The following TCAIM variants were observed in gnomAD, a reference collection of about 807,000 sequenced individuals.
TCAIM encodes the protein T-cell activation inhibitor, mitochondrial.
A neutral mutation model predicts 58.6 loss-of-function variants in TCAIM; 36 were observed. The ratio of observed to expected loss-of-function variants is 0.61; its 90% CI spans 0.47 to 0.81. The LOEUF (loss-of-function observed/expected upper bound fraction) is 0.81, where lower values mean the gene tolerates loss of function less well. Ranked by LOEUF, TCAIM falls within the 30% of genes least tolerant of loss-of-function variation. The pLI is 0.00. For synonymous variants in TCAIM, 172 were observed against 193.6 expected, an observed-to-expected ratio of 0.89 and a Z score of 0.93; for missense variants, 466 against 579.6, an observed-to-expected ratio of 0.80 and a Z score of 2.01.
In TCAIM at chr3:44,367,450, C is replaced by A; in HGVS notation, c.320-6C>A. On this transcript the variant is annotated splice_region_variant and splice_polypyrimidine_tract_variant and intron_variant, in intron 4 of 10. Transcript: ENST00000342649. ...ATTAATTGTTTGGGGGAATTATATTCTCTAGGATTTCGAGCAGTCAAATTT... is the reference window on the plus strand; with the variant it reads ...ATTAATTGTTTGGGGGAATTATATTATCTAGGATTTCGAGCAGTCAAATTT... 6.2e-7 allele frequency: 1 copy of A among 1,600,376 alleles called. No individual in the cohort carries two copies. The highest frequency in any genetic ancestry group is 8.5e-7 in the Non-Finnish European group (1 of 1,170,982).
chr3:44,361,587 G>T (rs1251628290), intron 4 of TCAIM, 69 bp downstream of exon 4: 3 of 1,356,314 alleles, frequency 2.2e-6, no homozygotes, highest in Non-Finnish European at 2.9e-6. Context: ...TTTTGACATT[G>T]CCAGAATACC....
intron 4 of TCAIM, among the ~76,000 whole-genome samples, chr3:44,365,334 C>CTT (rs1377547976): frequency 7.5e-5 from 11 of 146,250 alleles, no homozygotes; most frequent in African/African-American, 2.2e-4. Context: ...GTTGCAAATA[C>CTT]TTTTTTTTTT....
At chr3:44,347,961 G>C (rs1406647816) in intron 1 of TCAIM, among the ~76,000 whole-genome samples, 1 of 152,134 alleles carries the variant, frequency 6.6e-6, no homozygotes, top group Non-Finnish European at 1.5e-5. Context: ...CCTAGGAATA[G>C]TCAGGAAAGC....
At chr3:44,358,725 G>A in intron 3 of TCAIM, 1 of 986,232 alleles carries the variant, frequency 1.0e-6, no homozygotes, top group Non-Finnish European at 1.2e-6. Context: ...CCAAGGGACT[G>A]CTATGTATTA....
intron 5 of TCAIM, among the ~76,000 whole-genome samples, chr3:44,373,118 T>C (rs1340848491): frequency 6.7e-6 from 1 of 149,700 alleles, no homozygotes; most frequent in Non-Finnish European, 1.5e-5. Flanking sequence ...CAGTTGAGTT[T>C]TTTTATTTTT....
In TCAIM at chr3:44,407,813, CT is replaced by C; in HGVS notation, c.*137del. On this transcript the variant is annotated 3_prime_UTR_variant, in exon 11 of 11. Transcript: ENST00000342649. ...TTCTAACTGCTGCTTTAAAAGTAGA[CT>C]TTTTTAAAAAAATTAATTTCTGCTA... 2 of 1,054,080 alleles carry C rather than the reference CT, an allele frequency of 1.9e-6. No individual in the cohort carries two copies. Among genetic ancestry groups the C allele is most frequent in the Admixed American group, 3.5e-5 (1 of 28,464 alleles). The allele number at this position is 1,054,080 out of a possible 1,614,324, so 65.3% of individuals were successfully genotyped here. A position where few individuals can be genotyped will look rare whatever the true frequency, so the allele number is the denominator to read the frequency against.
chr3:44,391,535 A>G (rs1230912884), intron 5 of TCAIM, among the ~76,000 whole-genome samples: 1 of 152,188 alleles, frequency 6.6e-6, no homozygotes, highest in African/African-American at 2.4e-5. Context: ...TATTGAGGTA[A>G]ACATTCTAAG....
At chr3:44,345,537 T>C (rs1177576235) in intron 1 of TCAIM, among the ~76,000 whole-genome samples, 1 of 152,196 alleles carries the variant, frequency 6.6e-6, no homozygotes, top group East Asian at 1.9e-4. Context: ...GTCCCCTTTT[T>C]TTTTAGCAGT....
intron 1 of TCAIM, among the ~76,000 whole-genome samples, chr3:44,352,176 G>C (rs1393360596): frequency 6.6e-6 from 1 of 151,466 alleles, no homozygotes; most frequent in Non-Finnish European, 1.5e-5. Context: ...TGTTTTGAGA[G>C]AACGTGCTAC....
intron 5 of TCAIM, among the ~76,000 whole-genome samples, chr3:44,371,854 T>G (rs1372827619): frequency 1.3e-5 from 2 of 152,204 alleles, no homozygotes; most frequent in Non-Finnish European, 2.9e-5. Flanking sequence ...CAATTTCTCA[T>G]TTCAATTACA....
chr3:44,359,881 CT>C (rs1436861591), intron 3 of TCAIM: 11 of 152,174 alleles, frequency 7.2e-5, no homozygotes, highest in African/African-American at 2.7e-4. Flanking sequence ...CACAATGTGC[CT>C]AGAGTTTAAT....
At chr3:44,393,142 T>C (rs557833221) in intron 6 of TCAIM, among the ~76,000 whole-genome samples, 165 bp downstream of exon 6, 2 of 152,326 alleles carry the variant, frequency 1.3e-5, no homozygotes, top group South Asian at 2.1e-4. Flanking sequence ...GTAAGAAAAC[T>C]CTTATTAATT....
chr3:44,376,111 C>T (rs527546286), intron 5 of TCAIM, among the ~76,000 whole-genome samples: 12 of 152,254 alleles, frequency 7.9e-5, no homozygotes, highest in Middle Eastern at 3.4e-3. Context: ...ATGTAAAATA[C>T]CTACAATAGG....
In TCAIM at chr3:44,407,161, T is replaced by G. The variant is rs112659565; in HGVS notation, c.1251-281T>G. On this transcript the variant is annotated intron_variant, in intron 10 of 10. Coordinates refer to ENST00000342649, the MANE Select transcript of TCAIM (RefSeq NM_173826.4). ...CTAACAGCTGCTAGGTAAGGCAATATAAGAGCTTTTTTAAATTTATGTTAT... is the reference window on the plus strand; with the variant it reads ...CTAACAGCTGCTAGGTAAGGCAATAGAAGAGCTTTTTTAAATTTATGTTAT... Among the ~76,000 whole-genome samples, 956 of 152,322 alleles carry G rather than the reference T, an allele frequency of 6.3e-3. 2 individuals are homozygous for G. The highest frequency in any genetic ancestry group is 0.01 in the Non-Finnish European group (693 of 68,026).
At position 44,357,854 on chromosome 3, in the gene TCAIM, T is replaced by G; in HGVS notation, c.143T>G (p.Phe48Cys). ...TATTTTGCAGTACATCCAGATTTCT[T>G]TGGACAGCACCCCGTAGAAAGGGTA... is the stretch of plus-strand genomic sequence containing the variant. ...PFYFAVHPDF[F>C]GQHPVEREIN... The change falls in exon 3 of 11, where the codon TTT (phenylalanine) becomes TGT (cysteine). Residue 48 changes from phenylalanine (F) to cysteine (C), a missense_variant. Phe to Cys is a radical substitution (Grantham distance 205). Transcript: ENST00000342649. 6.2e-7 allele frequency: 1 copy of G among 1,614,174 alleles called. No individual in the cohort carries two copies. Among genetic ancestry groups the G allele is most frequent in the Non-Finnish European group, 8.5e-7 (1 of 1,180,020 alleles).
intron 3 of TCAIM, 114 bp downstream of exon 3, chr3:44,357,990 T>C (rs933318315): frequency 1.2e-5 from 17 of 1,412,280 alleles, no homozygotes; most frequent in African/African-American, 2.9e-5. Flanking sequence ...GGTGATATAA[T>C]CAATGCTTTG....
intron 5 of TCAIM, among the ~76,000 whole-genome samples, chr3:44,371,593 G>A (rs1421676103): frequency 6.6e-6 from 1 of 152,116 alleles, no homozygotes; most frequent in Admixed American, 6.5e-5. Flanking sequence ...GTCTTACAGT[G>A]CTGATGTAGC....
intron 1 of TCAIM, among the ~76,000 whole-genome samples, chr3:44,342,700 C>T (rs555896137): frequency 6.6e-6 from 1 of 150,780 alleles, no homozygotes; most frequent in East Asian, 2.0e-4. Context: ...AAGGTCTTTA[C>T]ATATCACTAA....
intron 3 of TCAIM, among the ~76,000 whole-genome samples, chr3:44,360,219 G>A (rs1227804056): frequency 6.6e-6 from 1 of 150,634 alleles, no homozygotes; most frequent in Non-Finnish European, 1.5e-5. Context: ...CCTTATTTGT[G>A]AGGTTTGTTG....
Sources: gnomAD v4.1 joint callset for allele counts (sites outside exome capture counted in the v4.1 genomes callset) on GRCh38, gnomAD v4.1.1 for gene constraint, MANE v1.5 for transcripts, NCBI Gene and HGNC (gene_info 2026-07-23, HGNC 2026-07-21) for gene names.